Variants in PDZK1 observed in about 807,000 individuals in gnomAD.
PDZK1 encodes PDZ domain containing 1, also known as Na(+)/H(+) exchange regulatory cofactor NHE-RF3.
In PDZK1, 23 loss-of-function variants were observed where a neutral mutation model predicts 38.1. That is an observed-to-expected ratio of 0.60 (90% CI 0.43 to 0.85). The LOEUF (loss-of-function observed/expected upper bound fraction) is 0.85, where lower values mean the gene tolerates loss of function less well. Among genes scored for constraint, PDZK1 ranks in the 40% least tolerant of loss-of-function variants. PDZK1 has a pLI of 0.00. For synonymous variants in PDZK1, 98 were observed against 186.2 expected (o/e 0.53, Z 3.86); for missense variants, 297 against 504.3 (o/e 0.59, Z 3.94).
At chr1:145,691,388 C>T (rs1166899882) in intron 1 of PDZK1, among the ~76,000 whole-genome samples, 4 of 152,150 alleles carry the variant, frequency 2.6e-5, no homozygotes, top group Non-Finnish European at 5.9e-5. Flanking sequence ...ATGTCTCTTT[C>T]GCAAGACTCT....
At chr1:145,705,736 G>A (rs1455032533) in intron 1 of PDZK1, among the ~76,000 whole-genome samples, 1 of 151,998 alleles carries the variant, frequency 6.6e-6, no homozygotes, top group African/African-American at 2.4e-5. Context: ...ATCTTACATC[G>A]TGTTTTTAAC....
chr1:145,697,952 C>T (rs1655733822), intron 1 of PDZK1, among the ~76,000 whole-genome samples: 1 of 151,564 alleles, frequency 6.6e-6, no homozygotes, highest in Non-Finnish European at 1.5e-5. Context: ...AGGAAACGAT[C>T]AGCATGTTTC....
chr1:145,704,783 C>G (rs137866220), intron 1 of PDZK1, among the ~76,000 whole-genome samples: 2 of 152,176 alleles, frequency 1.3e-5, no homozygotes, highest in Non-Finnish European at 2.9e-5. Flanking sequence ...CCCTATGCAA[C>G]GAATGCAAGA....
intron 3 of PDZK1, among the ~76,000 whole-genome samples, chr1:145,684,354 G>C (rs1264118805): frequency 5.3e-5 from 8 of 151,860 alleles, no homozygotes; most frequent in Non-Finnish European, 7.4e-5. Flanking sequence ...GACTACAGGC[G>C]CCCACCACCA....
chr1:145,696,818 A>G (rs868962900), intron 1 of PDZK1, among the ~76,000 whole-genome samples: 1 of 152,196 alleles, frequency 6.6e-6, no homozygotes, highest in Non-Finnish European at 1.5e-5. Context: ...AAGATGGTGT[A>G]GTCATGAGGA....
chr1:145,705,823 T>G (rs968578421), intron 1 of PDZK1, among the ~76,000 whole-genome samples: 1 of 152,180 alleles, frequency 6.6e-6, no homozygotes, highest in African/African-American at 2.4e-5. Context: ...CAATCACGGC[T>G]CACTGTAGCC....
rs782294897 is a variant in PDZK1, at chr1:145,687,902, C to T, written c.120G>A (p.Lys40=). 1 of 1,613,720 alleles carries T rather than the reference C, an allele frequency of 6.2e-7. No homozygotes were observed. Among genetic ancestry groups the T allele is most frequent in the African/African-American group, 1.3e-5 (1 of 74,968 alleles). ...GGCCAGCCTTCTCTGCTGGGCTACACTTCTCAACCACCCGGACCAGGTGGC... is the reference window on the plus strand; with the variant it reads ...GGCCAGCCTTCTCTGCTGGGCTACATTTCTCAACCACCCGGACCAGGTGGC... ...TEGHLVRVVE[K]CSPAEKAGLQ... is the part of the protein sequence containing the mutation. The change falls in exon 2 of 9, where the codon AAG becomes AAA. Residue 40 remains lysine (K), a synonymous_variant. Coordinates refer to ENST00000417171, the MANE Select transcript of PDZK1 (RefSeq NM_001201325.2).
intron 1 of PDZK1, among the ~76,000 whole-genome samples, chr1:145,706,662 A>G (rs1330116712): frequency 6.6e-6 from 1 of 152,136 alleles, no homozygotes; most frequent in Admixed American, 6.6e-5. Context: ...TCCCAAACCT[A>G]CCTGCACTGA....
chr1:145,706,133 T>C (rs1223724901), intron 1 of PDZK1, among the ~76,000 whole-genome samples: 3 of 152,178 alleles, frequency 2.0e-5, no homozygotes, highest in Non-Finnish European at 2.9e-5. Flanking sequence ...AATAATGAAA[T>C]TGAGGCTCCA....
intron 3 of PDZK1, among the ~76,000 whole-genome samples, chr1:145,686,252 C>A (rs1442805793): frequency 6.6e-6 from 1 of 152,124 alleles, no homozygotes; most frequent in Admixed American, 6.5e-5. Context: ...GTGCCCCCCA[C>A]CCCCACTGCT....
At chr1:145,699,317 C>G (rs11585527) in intron 1 of PDZK1, among the ~76,000 whole-genome samples, 7,324 of 152,214 alleles carry the variant, frequency 0.048, 256 homozygotes, top group Middle Eastern at 0.11. Flanking sequence ...ACTCAGGAGG[C>G]TGAGGCACAG....
rs375889669 is a variant in PDZK1 at position 145,671,139 on chromosome 1, G to T, written c.*297C>A. ...GCTCAAGGAACCTGTAGAAGTAAGA[G>T]ACATCATCATACAGAGAAATGTAGT... On this transcript the variant is annotated 3_prime_UTR_variant, in exon 9 of 9. Coordinates refer to ENST00000417171, the MANE Select transcript of PDZK1 (RefSeq NM_001201325.2). 1.7e-6 allele frequency: 1 copy of T among 601,918 alleles called. No homozygotes were observed. Among genetic ancestry groups the T allele is most frequent in the East Asian group, 5.9e-5 (1 of 16,920 alleles). 37.3% of individuals were successfully genotyped at this position (601,918 alleles called of 1,614,324 possible). A position where few individuals can be genotyped will look rare whatever the true frequency, so the allele number is the denominator to read the frequency against.
At chr1:145,676,641 G>A (rs1340261726) in intron 6 of PDZK1, among the ~76,000 whole-genome samples, 2 of 148,502 alleles carry the variant, frequency 1.3e-5, no homozygotes, top group South Asian at 2.2e-4. Flanking sequence ...CAGGGGAATC[G>A]CTTGAACCCG....
intron 1 of PDZK1, among the ~76,000 whole-genome samples, chr1:145,694,628 G>A (rs1371970114): frequency 6.6e-6 from 1 of 152,124 alleles, no homozygotes; most frequent in Admixed American, 6.5e-5. Flanking sequence ...GCCGGGTGCA[G>A]TGGCTCACAC....
chr1:145,672,474 A>G (rs1397932621), intron 8 of PDZK1, among the ~76,000 whole-genome samples: 2 of 150,570 alleles, frequency 1.3e-5, no homozygotes, highest in African/African-American at 2.5e-5. Flanking sequence ...TCCCATTACA[A>G]TACTGATAAA....
chr1:145,692,601 C>T (rs782497190), intron 1 of PDZK1, among the ~76,000 whole-genome samples: 1 of 151,612 alleles, frequency 6.6e-6, no homozygotes, highest in Non-Finnish European at 1.5e-5. Context: ...ATCCCAACTA[C>T]TCGGGAGGCT....
intron 8 of PDZK1, among the ~76,000 whole-genome samples, chr1:145,671,875 T>A (rs1446177739): frequency 6.6e-6 from 1 of 151,566 alleles, no homozygotes; most frequent in Non-Finnish European, 1.5e-5. Context: ...TGACAACTAA[T>A]ACAACTAATA....
rs1172530527 is a variant in PDZK1, at chr1:145,683,970, T to C, written c.461-1334A>G. Among the ~76,000 whole-genome samples, 5 of 146,646 alleles carry C rather than the reference T, an allele frequency of 3.4e-5. No individual in the cohort carries two copies. In the East Asian group the frequency reaches 6.5e-4, roughly 19 times the overall value. On this transcript the variant is annotated intron_variant, in intron 3 of 8. Coordinates refer to ENST00000417171, the MANE Select transcript of PDZK1 (RefSeq NM_001201325.2). ...CAAGCGATTCTCCTGCCTCAGCCTC[T>C]CGAGTAGCTGGGACTACAGGCGCCT...
In PDZK1 at chr1:145,695,662, A is replaced by G. The variant is rs774452696; in HGVS notation, c.-2-7639T>C. Among the ~76,000 whole-genome samples the G allele has an allele frequency of 2.0e-5, 3 of 152,110 alleles. No individual in the cohort carries two copies. The East Asian group carries it at 5.8e-4, about 29-fold the overall frequency. ...CAAGGCTTTTAAGCAGAGGAATAAC[A>G]GGATCAGAGTTGGGTTCCAAGAAGG... On this transcript the variant is annotated intron_variant, in intron 1 of 8. Coordinates refer to ENST00000417171, the MANE Select transcript of PDZK1 (RefSeq NM_001201325.2).
Sources: gnomAD v4.1 joint callset for allele counts (sites outside exome capture counted in the v4.1 genomes callset) on GRCh38, gnomAD v4.1.1 for gene constraint, MANE v1.5 for transcripts, NCBI Gene and HGNC (gene_info 2026-07-23, HGNC 2026-07-21) for gene names.